The following PHLDB2 variants were observed in gnomAD, a reference collection of about 807,000 sequenced individuals.
PHLDB2 encodes the protein pleckstrin homology-like domain family B member 2.
A neutral mutation model predicts 123.6 loss-of-function variants in PHLDB2; 71 were observed. The observed-to-expected ratio is 0.57, with a 90% CI of 0.47 to 0.70. PHLDB2 has a LOEUF of 0.70. Ranked by LOEUF, PHLDB2 falls within the 30% of genes least tolerant of loss-of-function variation. The probability of loss-of-function intolerance (pLI) is 0.00; values close to 1 mark genes in which losing one functional copy is unlikely to be tolerated. For synonymous variants in PHLDB2, 547 were observed against 541.6 expected (o/e 1.01, Z -0.14); for missense variants, 1,446 against 1,519.5 (o/e 0.95, Z 0.80).
intron 2 of PHLDB2, among the ~76,000 whole-genome samples, chr3:111,886,160 G>A (rs189630186): frequency 6.6e-6 from 1 of 152,358 alleles, no homozygotes; most frequent in East Asian, 1.9e-4. Context: ...ATATCTGTGA[G>A]AGATTACTTT....
intron 1 of PHLDB2, among the ~76,000 whole-genome samples, chr3:111,799,552 A>G (rs992428165): frequency 1.3e-5 from 2 of 152,216 alleles, no homozygotes; most frequent in African/African-American, 4.8e-5. Flanking sequence ...AATCAGAAAA[A>G]AGAAATTCTA....
intron 1 of PHLDB2, among the ~76,000 whole-genome samples, chr3:111,861,956 C>T (rs1354334819): frequency 1.3e-5 from 2 of 152,186 alleles, no homozygotes; most frequent in Non-Finnish European, 2.9e-5. Flanking sequence ...ATTTTCCTGC[C>T]TCAGCCTCCC....
intron 1 of PHLDB2, among the ~76,000 whole-genome samples, chr3:111,759,096 T>G (rs934790314): frequency 4.0e-5 from 6 of 151,498 alleles, no homozygotes; most frequent in Non-Finnish European, 8.8e-5. Flanking sequence ...ATTATATATG[T>G]GCATAAATAT....
At chr3:111,952,947 G>A (rs17492619) in intron 11 of PHLDB2, among the ~76,000 whole-genome samples, 11,398 of 152,220 alleles carry the variant, frequency 0.075, 617 homozygotes, top group Non-Finnish European at 0.11. Context: ...CAACCCAGGC[G>A]ATGAGTGGCA....
At chr3:111,780,564 T>C (rs2060436266) in intron 1 of PHLDB2, among the ~76,000 whole-genome samples, 1 of 151,826 alleles carries the variant, frequency 6.6e-6, no homozygotes, top group South Asian at 2.1e-4. Flanking sequence ...CTGTTTTCTT[T>C]ATAAATGTTG....
chr3:111,940,865 T>G (rs558920158), intron 8 of PHLDB2, among the ~76,000 whole-genome samples: 1 of 152,264 alleles, frequency 6.6e-6, no homozygotes, highest in African/African-American at 2.4e-5. Flanking sequence ...TTCATGCTTT[T>G]TTCACATTGT....
rs937552 is a variant in PHLDB2, at chr3:111,920,350, G to A, written c.1932G>A (p.Lys644=). The change falls in exon 5 of 18, where the codon AAG becomes AAA. Residue 644 remains lysine (K), a synonymous_variant. Coordinates refer to ENST00000431670, the MANE Select transcript of PHLDB2 (RefSeq NM_001134438.2). ...AAACAACTGAACTTATGAAGGAGAA[G>A]GAGATTTTGGATCATCTAAACCGGA... ...KSETTELMKE[K]EILDHLNRKI... The A allele has an allele frequency of 9.9e-6, 16 of 1,613,882 alleles. No homozygotes were observed. In the African/African-American group the frequency reaches 2.1e-4, roughly 22 times the overall value.
chr3:111,804,305 G>T (rs2061489040), intron 1 of PHLDB2, among the ~76,000 whole-genome samples: 1 of 152,156 alleles, frequency 6.6e-6, no homozygotes, highest in African/African-American at 2.4e-5. Flanking sequence ...ATCTTTTAAA[G>T]CCTGTGAAAG....
At chr3:111,935,735 G>A (rs928301587) in intron 6 of PHLDB2, among the ~76,000 whole-genome samples, 44 of 148,630 alleles carry the variant, frequency 3.0e-4, no homozygotes, top group Non-Finnish European at 1.6e-4. Flanking sequence ...GTCTTTTCAC[G>A]TTGTTTCTTG....
At chr3:111,939,084 A>G (rs779703427) in intron 6 of PHLDB2, among the ~76,000 whole-genome samples, 4 of 152,158 alleles carry the variant, frequency 2.6e-5, no homozygotes. Context: ...CTGGGATTAC[A>G]TGCATGAGCC....
intron 3 of PHLDB2, chr3:111,915,213 T>C (rs2068101803): frequency 6.6e-6 from 1 of 152,208 alleles, no homozygotes; most frequent in Non-Finnish European, 1.5e-5. Flanking sequence ...ACACATTGAC[T>C]CTTTAAGAGG....
intron 6 of PHLDB2, among the ~76,000 whole-genome samples, chr3:111,932,855 T>C (rs1353040895): frequency 6.6e-6 from 1 of 152,216 alleles, no homozygotes; most frequent in Non-Finnish European, 1.5e-5. Context: ...TTGTGTTTCC[T>C]TTTCTTTCTG....
In PHLDB2 at chr3:111,913,406, G is replaced by C; in HGVS notation, c.1423G>C (p.Asp475His). The change falls in exon 3 of 18, where the codon GAT becomes CAT. Residue 475 changes from aspartate (D) to histidine (H), a missense_variant. By Grantham distance (81) the Asp-to-His change is moderately conservative (BLOSUM62 -1). Coordinates refer to ENST00000431670, the MANE Select transcript of PHLDB2 (RefSeq NM_001134438.2). ...SRLSTGTTVEDVQKINKELEK... is the reference protein window; with the variant it reads ...SRLSTGTTVEHVQKINKELEK... The stretch of plus-strand genomic sequence containing the variant: ...CTTATCTACTGGGACCACCGTGGAA[G>C]ATGTGCAGAAAATCAACAAGGAGCT... 6.2e-7 allele frequency: 1 copy of C among 1,614,162 alleles called. No homozygotes were observed. The highest frequency in any genetic ancestry group is 8.5e-7 in the Non-Finnish European group (1 of 1,180,022).
chr3:111,859,162 C>T (rs1376485302), upstream of PHLDB2: 1 of 984,530 alleles, frequency 1.0e-6, no homozygotes, highest in Non-Finnish European at 1.2e-6. Flanking sequence ...CCTGGAGTTT[C>T]CCAATAGATA....
At chr3:111,912,313 G>A in intron 2 of PHLDB2, among the ~76,000 whole-genome samples, 1 of 152,184 alleles carries the variant, frequency 6.6e-6, no homozygotes, top group East Asian at 1.9e-4. Flanking sequence ...TCTGCCTGTT[G>A]CATGGGGAGT....
At chr3:111,958,266 T>A in intron 12 of PHLDB2, 1 of 988,294 alleles carries the variant, frequency 1.0e-6, no homozygotes, top group Non-Finnish European at 1.2e-6. Context: ...GGCTGTGGAC[T>A]GTCATTAGGA....
chr3:111,929,478 C>A (rs2068992202), intron 5 of PHLDB2, among the ~76,000 whole-genome samples: 1 of 152,146 alleles, frequency 6.6e-6, no homozygotes, highest in Non-Finnish European at 1.5e-5. Flanking sequence ...CCCTCAAATG[C>A]CATCTATTTT....
At chr3:111,772,205 T>C (rs531167225) in intron 1 of PHLDB2, among the ~76,000 whole-genome samples, 1 of 152,320 alleles carries the variant, frequency 6.6e-6, no homozygotes, top group East Asian at 1.9e-4. Context: ...AAACCTATTG[T>C]CTTTTTCTTA....
intron 1 of PHLDB2, among the ~76,000 whole-genome samples, chr3:111,767,705 T>C (rs9850851): frequency 0.87 from 131,800 of 152,258 alleles, 57,941 homozygotes; most frequent in East Asian, 1. Flanking sequence ...TAACTGTCAT[T>C]GTTCTCATTC....
Sources: gnomAD v4.1 joint callset for allele counts (sites outside exome capture counted in the v4.1 genomes callset) on GRCh38, gnomAD v4.1.1 for gene constraint, MANE v1.5 for transcripts, NCBI Gene and HGNC (gene_info 2026-07-23, HGNC 2026-07-21) for gene names.